GRIA4: variants seen among roughly 807,000 people sequenced by gnomAD.
GRIA4 encodes glutamate receptor 4.
GRIA4 carries 34 observed loss-of-function variants against 104.0 expected under a neutral mutation model. The ratio of observed to expected loss-of-function variants is 0.33; its 90% CI spans 0.25 to 0.44. The LOEUF (loss-of-function observed/expected upper bound fraction) is 0.44. Among genes scored for constraint, GRIA4 ranks in the 20% least tolerant of loss-of-function variants. GRIA4 has a pLI of 1.00. For synonymous variants in GRIA4, 386 were observed against 381.9 expected (o/e 1.01, Z -0.13); for missense variants, 750 against 1,096.5 (o/e 0.68, Z 4.46).
At chr11:105,940,338 G>A (rs533112434) in intron 14 of GRIA4, among the ~76,000 whole-genome samples, 3 of 151,996 alleles carry the variant, frequency 2.0e-5, no homozygotes, top group African/African-American at 7.2e-5. Context: ...CTCCAGCCTG[G>A]GCAACACAAG....
chr11:105,953,498 A>G (rs910363997), intron 14 of GRIA4, among the ~76,000 whole-genome samples: 5 of 152,196 alleles, frequency 3.3e-5, no homozygotes, highest in African/African-American at 1.2e-4. Context: ...TTGTGAAAAT[A>G]CTGACAATGC....
chr11:105,912,797 T>C (rs1947294799), intron 10 of GRIA4: 1 of 983,378 alleles, frequency 1.0e-6, no homozygotes, highest in Non-Finnish European at 1.2e-6. Context: ...GGACCTATGA[T>C]ATCCCTCCAC....
chr11:105,900,633 C>T (rs1038603345), intron 7 of GRIA4, among the ~76,000 whole-genome samples: 2 of 152,166 alleles, frequency 1.3e-5, no homozygotes, highest in Non-Finnish European at 2.9e-5. Context: ...GTCACCCAGG[C>T]TGGAGTGCAG....
At chr11:105,836,326 A>G (rs1360641472) in intron 4 of GRIA4, among the ~76,000 whole-genome samples, 1 of 152,146 alleles carries the variant, frequency 6.6e-6, no homozygotes, top group Non-Finnish European at 1.5e-5. Flanking sequence ...CACGTAATTT[A>G]ATTTCAATGT....
At chr11:105,950,698 G>A (rs1438015021) in intron 14 of GRIA4, among the ~76,000 whole-genome samples, 1 of 152,024 alleles carries the variant, frequency 6.6e-6, no homozygotes, top group East Asian at 1.9e-4. Flanking sequence ...CAGTTGACAA[G>A]ACCACCTGCC....
intron 3 of GRIA4, among the ~76,000 whole-genome samples, chr11:105,735,088 C>A (rs1033869648): frequency 6.6e-6 from 1 of 152,070 alleles, no homozygotes; most frequent in African/African-American, 2.4e-5. Context: ...ACCTAAAATA[C>A]AATACGCAAA....
chr11:105,860,367 A>G (rs534522833), intron 4 of GRIA4, among the ~76,000 whole-genome samples: 1 of 152,282 alleles, frequency 6.6e-6, no homozygotes, highest in Non-Finnish European at 1.5e-5. Flanking sequence ...AGAAAACTCA[A>G]CAAATATGCC....
At chr11:105,790,606 C>T (rs908994927) in intron 4 of GRIA4, among the ~76,000 whole-genome samples, 3 of 152,160 alleles carry the variant, frequency 2.0e-5, no homozygotes, top group Admixed American at 6.5e-5. Context: ...ACCCATTCTT[C>T]CATTACTTTT....
intron 4 of GRIA4, among the ~76,000 whole-genome samples, chr11:105,808,059 T>C (rs1352393469): frequency 6.6e-6 from 1 of 151,986 alleles, no homozygotes; most frequent in Non-Finnish European, 1.5e-5. Context: ...TTGTAATATA[T>C]TAAATCTGAT....
At chr11:105,858,254 T>A (rs1295587244) in intron 4 of GRIA4, among the ~76,000 whole-genome samples, 1 of 152,196 alleles carries the variant, frequency 6.6e-6, no homozygotes, top group African/African-American at 2.4e-5. Context: ...GTATTTTGCA[T>A]AATGGATAGT....
intron 4 of GRIA4, among the ~76,000 whole-genome samples, chr11:105,790,181 G>A (rs1181354953): frequency 6.6e-6 from 1 of 152,120 alleles, no homozygotes; most frequent in East Asian, 1.9e-4. Flanking sequence ...CAAGCTGGGT[G>A]GGAACTTCTC....
At chr11:105,838,256 C>T (rs1209760082) in intron 4 of GRIA4, among the ~76,000 whole-genome samples, 1 of 152,140 alleles carries the variant, frequency 6.6e-6, no homozygotes, top group Non-Finnish European at 1.5e-5. Context: ...TAAGCGGTAA[C>T]ATCAGTCTTT....
Position 105,848,463 on chromosome 11 carries a change from C to T in GRIA4, c.488-13561C>T, listed in dbSNP as rs114887812. 8.6e-3 allele frequency among the ~76,000 whole-genome samples: 1,301 copies of T among 152,098 alleles called. 25 individuals carry two copies. The highest frequency in any genetic ancestry group is 0.03 in the African/African-American group (1,231 of 41,492). ...GGTTAGAACATACACTTTTTCTGTCCCCAGAGTGTAATGAAAGCATAGTGA... is the reference window on the plus strand; with the variant it reads ...GGTTAGAACATACACTTTTTCTGTCTCCAGAGTGTAATGAAAGCATAGTGA... On this transcript the variant is annotated intron_variant, in intron 4 of 16. Transcript: ENST00000282499.
At chr11:105,747,443 T>C (rs1939727104) in intron 3 of GRIA4, among the ~76,000 whole-genome samples, 1 of 152,136 alleles carries the variant, frequency 6.6e-6, no homozygotes, top group Non-Finnish European at 1.5e-5. Flanking sequence ...ACTAAACACA[T>C]GTGGAACTAT....
intron 13 of GRIA4, among the ~76,000 whole-genome samples, chr11:105,933,159 T>C (rs1285819675): frequency 1.3e-5 from 2 of 151,950 alleles, no homozygotes; most frequent in African/African-American, 4.8e-5. Context: ...GGAGGATCTC[T>C]TGAGCCCAGG....
intron 4 of GRIA4, among the ~76,000 whole-genome samples, chr11:105,798,218 T>A (rs1942571587): frequency 6.6e-6 from 1 of 151,950 alleles, no homozygotes; most frequent in Non-Finnish European, 1.5e-5. Flanking sequence ...GAAACATAAG[T>A]AAAGCAGGGA....
At chr11:105,950,001 T>G (rs1244426682) in intron 14 of GRIA4, among the ~76,000 whole-genome samples, 1 of 152,228 alleles carries the variant, frequency 6.6e-6, no homozygotes, top group Non-Finnish European at 1.5e-5. Context: ...GTTGTGAGGA[T>G]TCAATGAGAA....
chr11:105,875,417 T>C (rs1243659765), intron 5 of GRIA4, among the ~76,000 whole-genome samples: 2 of 152,200 alleles, frequency 1.3e-5, no homozygotes, highest in African/African-American at 4.8e-5. Flanking sequence ...AACAGGATGA[T>C]GCTGGCCTCA....
intron 3 of GRIA4, among the ~76,000 whole-genome samples, chr11:105,647,728 G>A (rs1350391700): frequency 6.6e-6 from 1 of 152,162 alleles, no homozygotes; most frequent in Non-Finnish European, 1.5e-5. Flanking sequence ...TCACTTATAA[G>A]CGGGAGCTCA....
Sources: gnomAD v4.1 joint callset for allele counts (sites outside exome capture counted in the v4.1 genomes callset) on GRCh38, gnomAD v4.1.1 for gene constraint, MANE v1.5 for transcripts, NCBI Gene and HGNC (gene_info 2026-07-23, HGNC 2026-07-21) for gene names.